The following ZNF407 variants were observed in gnomAD, a reference collection of about 807,000 sequenced individuals.
ZNF407 encodes zinc finger protein 407.
ZNF407 carries 17 observed loss-of-function variants against 131.2 expected under a neutral mutation model. The observed-to-expected ratio is 0.13, with a 90% CI of 0.09 to 0.19. ZNF407 has a LOEUF of 0.19. Ranked by LOEUF, ZNF407 falls within the 10% of genes least tolerant of loss-of-function variation. ZNF407 has a pLI of 1.00. For missense variants in ZNF407, 2,681 were observed against 2,830.6 expected, an observed-to-expected ratio of 0.95 and a Z score of 1.20; for synonymous variants, 1,156 against 1,062.0, an observed-to-expected ratio of 1.09 and a Z score of -1.72.
intron 3 of ZNF407, among the ~76,000 whole-genome samples, chr18:74,757,998 A>G (rs1172509284): frequency 6.6e-6 from 1 of 152,192 alleles, no homozygotes; most frequent in East Asian, 1.9e-4. Context: ...TCATCCTGAT[A>G]CGTTCAACTT....
At position 74,631,628 on chromosome 18, in the gene ZNF407, A is replaced by T; in HGVS notation, c.609A>T (p.Lys203Asn). Reference protein sequence around the residue: ...HLFSSCSDLEKHAESHMQQPK... With the variant: ...HLFSSCSDLENHAESHMQQPK... ...TTTCTTCTTGCTCTGACTTGGAAAA[A>T]CATGCTGAGTCTCACATGCAGCAGC... is the stretch of plus-strand genomic sequence containing the variant. Residue 203 changes from lysine (K) to asparagine (N), a missense_variant, in exon 2 of 9, where the codon AAA becomes AAT. Transcript: ENST00000299687. 6.2e-7 allele frequency: 1 copy of T among 1,613,900 alleles called. No homozygotes were observed. Among genetic ancestry groups the T allele is most frequent in the Non-Finnish European group, 8.5e-7 (1 of 1,179,876 alleles).
At chr18:74,864,197 C>T (rs1970978468) in intron 4 of ZNF407, among the ~76,000 whole-genome samples, 1 of 152,160 alleles carries the variant, frequency 6.6e-6, no homozygotes, top group African/African-American at 2.4e-5. Context: ...AGAACCCTTC[C>T]TTCTTCTTCT....
intron 8 of ZNF407, among the ~76,000 whole-genome samples, chr18:75,002,372 G>A (rs909202227): frequency 6.6e-6 from 1 of 152,124 alleles, no homozygotes; most frequent in East Asian, 1.9e-4. Context: ...TAGGGCAGCT[G>A]TAATTGTTGG....
chr18:74,862,758 C>G (rs771845947), intron 4 of ZNF407, among the ~76,000 whole-genome samples: 6 of 152,056 alleles, frequency 3.9e-5, no homozygotes, highest in Non-Finnish European at 5.9e-5. Flanking sequence ...CTTTGCTTCC[C>G]TTTTTGCCAA....
At chr18:74,599,993 T>C (rs752379761) in intron 1 of ZNF407, among the ~76,000 whole-genome samples, 1 of 152,236 alleles carries the variant, frequency 6.6e-6, no homozygotes, top group Non-Finnish European at 1.5e-5. Context: ...AATTAAGTAA[T>C]GCATTCAGGA....
chr18:75,023,836 C>A (rs893256087), intron 8 of ZNF407, among the ~76,000 whole-genome samples: 1 of 152,196 alleles, frequency 6.6e-6, no homozygotes, highest in Non-Finnish European at 1.5e-5. Context: ...TAGCTTATTT[C>A]ATGTACTACT....
chr18:74,621,044 G>A (rs1415209518), intron 1 of ZNF407, among the ~76,000 whole-genome samples: 5 of 152,036 alleles, frequency 3.3e-5, no homozygotes, highest in Non-Finnish European at 7.3e-5. Flanking sequence ...TTCAGGAAAC[G>A]TTAAGATATT....
At chr18:74,737,675 G>A (rs953827653) in intron 3 of ZNF407, among the ~76,000 whole-genome samples, 6 of 152,126 alleles carry the variant, frequency 3.9e-5, no homozygotes, top group African/African-American at 4.8e-5. Context: ...CCACAGATGC[G>A]TGTGTATATG....
chr18:74,991,425 A>C (rs926727025), intron 8 of ZNF407, among the ~76,000 whole-genome samples: 1 of 152,254 alleles, frequency 6.6e-6, no homozygotes, highest in African/African-American at 2.4e-5. Context: ...TGAGAATTGT[A>C]AATCTAATAG....
chr18:74,747,710 G>T (rs1234679828), intron 3 of ZNF407, among the ~76,000 whole-genome samples: 3 of 151,998 alleles, frequency 2.0e-5, no homozygotes, highest in African/African-American at 7.2e-5. Context: ...TTTTGCTGAC[G>T]TTCAGCACAA....
intron 4 of ZNF407, among the ~76,000 whole-genome samples, chr18:74,867,986 T>G (rs537778813): frequency 6.6e-6 from 1 of 152,366 alleles, no homozygotes; most frequent in African/African-American, 2.4e-5. Context: ...TTCTTTTTAT[T>G]TATACTTTTC....
At chr18:74,783,724 G>A (rs1381226674) in intron 4 of ZNF407, among the ~76,000 whole-genome samples, 1 of 152,052 alleles carries the variant, frequency 6.6e-6, no homozygotes, top group Non-Finnish European at 1.5e-5. Flanking sequence ...CACTGTTTTT[G>A]TCCTAACATC....
chr18:74,934,547 G>A lies in ZNF407; in HGVS notation c.5428+13855G>A, dbSNP rs537237400. On this transcript the variant is annotated intron_variant, in intron 8 of 8. Transcript: ENST00000299687. Reference sequence around the variant, plus strand: ...CTTTTAGCTGGGCATGGTGGCTCACGCCTATAATCCTAGCACTTAGGGAGG... The same window carrying A: ...CTTTTAGCTGGGCATGGTGGCTCACACCTATAATCCTAGCACTTAGGGAGG... 4.3e-4 allele frequency among the ~76,000 whole-genome samples: 65 copies of A among 152,290 alleles called. 1 individual carries two copies. Among genetic ancestry groups the A allele is most frequent in the East Asian group, 3.9e-3 (20 of 5,182 alleles).
chr18:75,021,330 G>A (rs903371380), intron 8 of ZNF407, among the ~76,000 whole-genome samples: 3 of 151,340 alleles, frequency 2.0e-5, no homozygotes, highest in African/African-American at 7.3e-5. Flanking sequence ...GTACAGTGGT[G>A]CAATCATGGC....
At chr18:74,950,612 A>C (rs1972203032) in intron 8 of ZNF407, among the ~76,000 whole-genome samples, 1 of 152,226 alleles carries the variant, frequency 6.6e-6, no homozygotes, top group Admixed American at 6.5e-5. Flanking sequence ...ATACCTAAAA[A>C]TCTTGTTTGC....
chr18:74,811,159 A>G (rs1045049014), intron 4 of ZNF407, among the ~76,000 whole-genome samples: 8 of 150,754 alleles, frequency 5.3e-5, no homozygotes, highest in Admixed American at 6.6e-5. Context: ...ATCTACAATG[A>G]ACTCTAACAA....
Position 74,781,419 on chromosome 18 carries a change from AT to A in ZNF407, c.4803-3del. 6.5e-7 allele frequency: 1 copy of A among 1,531,302 alleles called. No homozygotes were observed. Among genetic ancestry groups the A allele is most frequent in the Admixed American group, 2.1e-5 (1 of 48,048 alleles). 94.9% of individuals were successfully genotyped at this position (1,531,302 alleles called of 1,614,324 possible). On this transcript the variant is annotated splice_polypyrimidine_tract_variant and splice_region_variant and intron_variant, in intron 3 of 8. Transcript: ENST00000299687. ...TTTAGTTTTATAATTACTTTTGTTT[AT>A]TTTTTAGGGTTGCTTTTGTAATGAA...
chr18:74,766,192 C>T (rs1969228482), intron 3 of ZNF407, among the ~76,000 whole-genome samples: 1 of 152,078 alleles, frequency 6.6e-6, no homozygotes, highest in African/African-American at 2.4e-5. Context: ...TGATGTTGGA[C>T]CTTGAAACCC....
chr18:74,958,068 G>A (rs996856319), intron 8 of ZNF407, among the ~76,000 whole-genome samples: 9 of 152,166 alleles, frequency 5.9e-5, no homozygotes, highest in South Asian at 2.1e-4. Context: ...CATAACCCAC[G>A]TCTCACTTAC....
Sources: gnomAD v4.1 joint callset for allele counts (sites outside exome capture counted in the v4.1 genomes callset) on GRCh38, gnomAD v4.1.1 for gene constraint, MANE v1.5 for transcripts, NCBI Gene and HGNC (gene_info 2026-07-23, HGNC 2026-07-21) for gene names.